Variants in EDA observed in about 807,000 individuals in gnomAD.
EDA encodes the protein ectodysplasin-A.
Under a neutral mutation model 23.6 loss-of-function variants are expected in EDA, and 2 were observed. The observed-to-expected ratio is 0.08, with a 90% CI of 0.03 to 0.27. The LOEUF (loss-of-function observed/expected upper bound fraction) is 0.27, where lower values mean the gene tolerates loss of function less well. Ranked by LOEUF, EDA falls within the 10% of genes least tolerant of loss-of-function variation. The pLI is 1.00. For synonymous variants in EDA, 131 were observed against 132.0 expected (o/e 0.99, Z 0.05); for missense variants, 229 against 324.2 (o/e 0.71, Z 2.26).
chrX:69,882,393 T>C (rs1347928947), intron 1 of EDA, among the ~76,000 whole-genome samples: 1 of 111,892 alleles, frequency 8.9e-6, no homozygotes, highest in Non-Finnish European at 1.9e-5. Flanking sequence ...GTGGATAGAG[T>C]ACACCAGCAC....
chrX:69,991,915 T>A (rs2019593731), intron 2 of EDA, among the ~76,000 whole-genome samples: 1 of 111,856 alleles, frequency 8.9e-6, no homozygotes. Flanking sequence ...CTGGCACTGC[T>A]GCTGCAAGAG....
chrX:69,782,366 TAAAAAAAAA>T (rs751293381), intron 1 of EDA, among the ~76,000 whole-genome samples: 24,925 of 65,390 alleles, frequency 0.38, 3,756 homozygotes, highest in Middle Eastern at 0.59. Context: ...TAAATGCTCT[TAAAAAAAAA>T]AAAAAAAAAA....
intron 1 of EDA, among the ~76,000 whole-genome samples, chrX:69,832,975 T>C (rs2016658076): frequency 9.0e-6 from 1 of 111,695 alleles, no homozygotes; most frequent in Non-Finnish European, 1.9e-5. Flanking sequence ...TACAATCATG[T>C]CATCTGCAAA....
At chrX:69,865,616 C>T (rs1409108626) in intron 1 of EDA, among the ~76,000 whole-genome samples, 1 of 111,814 alleles carries the variant, frequency 8.9e-6, no homozygotes, top group Non-Finnish European at 1.9e-5. Flanking sequence ...TTGGCAACAC[C>T]CACACAGACA....
intron 1 of EDA, among the ~76,000 whole-genome samples, chrX:69,724,057 CA>C (rs2012697057): frequency 8.9e-6 from 1 of 111,889 alleles, no homozygotes; most frequent in South Asian, 3.8e-4. Context: ...TGAAATGGCA[CA>C]AGGTCTAGTA....
At chrX:69,830,645 A>G (rs2016586654) in intron 1 of EDA, among the ~76,000 whole-genome samples, 1 of 112,475 alleles carries the variant, frequency 8.9e-6, no homozygotes, top group Non-Finnish European at 1.9e-5. Flanking sequence ...TAAATAGTAT[A>G]ATAACTGACA....
At chrX:69,842,237 T>C (rs2016910991) in intron 1 of EDA, among the ~76,000 whole-genome samples, 1 of 111,607 alleles carries the variant, frequency 9.0e-6, no homozygotes, top group Admixed American at 9.5e-5. Context: ...GGGATCTAGG[T>C]TGCGTGCTCC....
intron 1 of EDA, among the ~76,000 whole-genome samples, chrX:69,766,039 G>C (rs889422663): frequency 8.9e-6 from 1 of 111,822 alleles, no homozygotes; most frequent in African/African-American, 3.2e-5. Context: ...ATTTATCTAA[G>C]TTTTTGTCTG....
chrX:69,672,000 A>G (rs752707558), intron 1 of EDA, among the ~76,000 whole-genome samples: 30 of 111,769 alleles, frequency 2.7e-4, no homozygotes, highest in Admixed American at 8.6e-4. Context: ...AATATCCCCT[A>G]TTTTTGCCCG....
chrX:69,756,704 A>C lies in EDA; in HGVS notation c.396+140000A>C, dbSNP rs1207778631. ...TCAAGTAAAATCCCATTACAAAGAC[A>C]CAGATATTTCCCCCGTCTCTTGAAT... On this transcript the variant is annotated intron_variant, in intron 1 of 7. Coordinates refer to ENST00000374552, the MANE Select transcript of EDA (RefSeq NM_001399.5). Among the ~76,000 whole-genome samples the C allele has an allele frequency of 4.4e-5, 5 of 112,425 alleles. No individual in the cohort carries two copies. In the East Asian group the frequency reaches 1.4e-3, roughly 31 times the overall value.
At chrX:69,994,257 C>G (rs2019626938) in intron 2 of EDA, among the ~76,000 whole-genome samples, 1 of 111,626 alleles carries the variant, frequency 9.0e-6, no homozygotes, top group Non-Finnish European at 1.9e-5. Flanking sequence ...CAGGTTTCTT[C>G]TCTGTAAAAT....
chrX:69,805,714 T>C (rs1160427940), intron 1 of EDA, among the ~76,000 whole-genome samples: 1 of 111,779 alleles, frequency 8.9e-6, no homozygotes, highest in African/African-American at 3.2e-5. Context: ...CCCAAGATGC[T>C]GATTGAAATT....
intron 1 of EDA, among the ~76,000 whole-genome samples, chrX:69,786,597 A>G (rs1285182800): frequency 1.8e-5 from 2 of 109,907 alleles, no homozygotes; most frequent in African/African-American, 6.6e-5. Context: ...GTAGTTGAGT[A>G]GTTTTGAGTG....
intron 1 of EDA, among the ~76,000 whole-genome samples, chrX:69,810,756 CAAA>C (rs55802103): frequency 1.2e-5 from 1 of 85,331 alleles, no homozygotes; most frequent in Non-Finnish European, 2.3e-5. Flanking sequence ...GACTCCATCT[CAAA>C]AAAAAAAAAA....
chrX:69,754,048 TG>T (rs1325516056), intron 1 of EDA, among the ~76,000 whole-genome samples: 1 of 111,857 alleles, frequency 8.9e-6, no homozygotes, highest in Non-Finnish European at 1.9e-5. Context: ...GTCTTTTAAT[TG>T]GAGCATTTAT....
chrX:69,906,811 T>C (rs2018185796), intron 1 of EDA, among the ~76,000 whole-genome samples: 1 of 112,248 alleles, frequency 8.9e-6, no homozygotes, highest in Non-Finnish European at 1.9e-5. Context: ...CTACAGTATT[T>C]ATGTAAAAGA....
intron 3 of EDA, among the ~76,000 whole-genome samples, chrX:70,023,478 C>CTT (rs754981946): frequency 0.014 from 477 of 33,484 alleles, 88 homozygotes; most frequent in South Asian, 0.056. Flanking sequence ...TCTTTTTATT[C>CTT]TTTTTTTTTT....
chrX:69,740,880 TC>T (rs2013437721), intron 1 of EDA, among the ~76,000 whole-genome samples: 1 of 109,689 alleles, frequency 9.1e-6, no homozygotes, highest in Non-Finnish European at 1.9e-5. Flanking sequence ...TGTTGATCTT[TC>T]TTCAGATTCA....
rs1017105412 is a variant in EDA, at chrX:70,036,600, G to A, written c.*991G>A. ...ATCCATTCCTAATCAAATTCTGTCT[G>A]GGGACGAAGGGTTGGACGGGATGAC... On this transcript the variant is annotated 3_prime_UTR_variant, in exon 8 of 8. Transcript: ENST00000374552. 1 of 112,754 alleles carries A rather than the reference G, an allele frequency of 8.9e-6. No homozygotes were observed. The highest frequency in any genetic ancestry group is 3.2e-5 in the African/African-American group (1 of 30,999). The allele number at this position is 112,754 out of a possible 1,213,427, so 9.3% of individuals were successfully genotyped here. A position where few individuals can be genotyped will look rare whatever the true frequency, so the allele number is the denominator to read the frequency against.
Sources: gnomAD v4.1 joint callset for allele counts (sites outside exome capture counted in the v4.1 genomes callset) on GRCh38, gnomAD v4.1.1 for gene constraint, MANE v1.5 for transcripts, NCBI Gene and HGNC (gene_info 2026-07-23, HGNC 2026-07-21) for gene names.